The following SLC4A5 variants were observed in gnomAD, a reference collection of about 807,000 sequenced individuals.
SLC4A5 encodes the protein solute carrier family 4 member 5, also known as electrogenic sodium bicarbonate cotransporter 4.
A neutral mutation model predicts 120.4 loss-of-function variants in SLC4A5; 96 were observed. That is an observed-to-expected ratio of 0.80 (90% CI 0.68 to 0.94). SLC4A5 has a LOEUF of 0.94. SLC4A5 is among the 40% of genes least tolerant of loss of function. The probability of loss-of-function intolerance (pLI) is 0.00; values close to 1 mark genes in which losing one functional copy is unlikely to be tolerated. For missense variants in SLC4A5, 1,259 were observed against 1,459.5 expected (o/e 0.86, Z 2.24); for synonymous variants, 550 against 571.1 (o/e 0.96, Z 0.53).
chr2:74,336,855 T>C (rs191858014), intron 3 of SLC4A5, among the ~76,000 whole-genome samples: 13 of 152,342 alleles, frequency 8.5e-5, no homozygotes, highest in Admixed American at 4.6e-4. Context: ...CCTCTCTCCC[T>C]TCCCTGCCTC....
chr2:74,315,107 T>C, intron 5 of SLC4A5, 82 bp from the exon 6 acceptor site: 1 of 1,158,016 alleles, frequency 8.6e-7, no homozygotes, highest in Non-Finnish European at 1.3e-6. Context: ...AAATCCACAG[T>C]CATAATGGGA....
intron 19 of SLC4A5, among the ~76,000 whole-genome samples, chr2:74,244,369 T>C (rs1469436196): frequency 6.6e-6 from 1 of 152,078 alleles, no homozygotes; most frequent in Admixed American, 6.6e-5. Flanking sequence ...TTCGCTTGTT[T>C]GTTCGTTCCT....
At chr2:74,274,152 C>T (rs775658080) in intron 8 of SLC4A5, among the ~76,000 whole-genome samples, 4 of 152,162 alleles carry the variant, frequency 2.6e-5, no homozygotes, top group Non-Finnish European at 5.9e-5. Context: ...TCTCATTGTA[C>T]AGGTGAGGAG....
chr2:74,267,104 T>C (rs1395425411), intron 8 of SLC4A5, among the ~76,000 whole-genome samples: 2 of 152,268 alleles, frequency 1.3e-5, no homozygotes, highest in African/African-American at 4.8e-5. Context: ...TTTAAATTAC[T>C]ACAAATGAAA....
intron 5 of SLC4A5, among the ~76,000 whole-genome samples, chr2:74,321,012 A>C (rs1352329225): frequency 6.6e-6 from 1 of 152,232 alleles, no homozygotes; most frequent in Non-Finnish European, 1.5e-5. Context: ...AACAGGGTTG[A>C]TATTCCACCG....
chr2:74,318,833 T>C (rs1283628216), intron 5 of SLC4A5, among the ~76,000 whole-genome samples: 1 of 152,148 alleles, frequency 6.6e-6, no homozygotes. Context: ...TACCATTTGA[T>C]TCAGCAATCC....
intron 8 of SLC4A5, among the ~76,000 whole-genome samples, chr2:74,267,914 G>A (rs1211885438): frequency 6.6e-6 from 1 of 152,192 alleles, no homozygotes; most frequent in African/African-American, 2.4e-5. Context: ...GAGCCTGGAA[G>A]GCAGAGGTTG....
intron 8 of SLC4A5, among the ~76,000 whole-genome samples, chr2:74,273,731 C>T (rs929677233): frequency 2.0e-5 from 3 of 152,206 alleles, no homozygotes; most frequent in African/African-American, 7.2e-5. Context: ...CCAACAGATA[C>T]TGAAGACCAG....
chr2:74,261,241 A>C (rs1671125287), intron 11 of SLC4A5, among the ~76,000 whole-genome samples: 1 of 152,174 alleles, frequency 6.6e-6, no homozygotes, highest in Non-Finnish European at 1.5e-5. Flanking sequence ...CCTCATATAC[A>C]ATGATAACTG....
Position 74,248,334 on chromosome 2 carries a change from G to A in SLC4A5, c.1787+19C>T. 1 of 1,612,726 alleles carries A rather than the reference G, an allele frequency of 6.2e-7. No individual in the cohort carries two copies. The highest frequency in any genetic ancestry group is 1.1e-5 in the South Asian group (1 of 90,958). ...CCAAATGCGAGAGCAGGCACTGGGG[G>A]CCACCAAGGGACACCTACTTGCTGA... is the stretch of plus-strand genomic sequence containing the variant. On this transcript the variant is annotated intron_variant, in intron 18 of 30. Transcript: ENST00000394019.
At chr2:74,306,986 G>A in intron 6 of SLC4A5, 1 of 597,748 alleles carries the variant, frequency 1.7e-6, no homozygotes, top group East Asian at 3.9e-5. Flanking sequence ...CTGATTCCAG[G>A]TGCAGCAGGA....
chr2:74,232,754 T>C (rs1056231723), intron 23 of SLC4A5, 107 bp from the exon 24 acceptor site: 24 of 1,387,734 alleles, frequency 1.7e-5, no homozygotes, highest in Non-Finnish European at 2.1e-5. Flanking sequence ...TTCCAGAAGA[T>C]ACTGAAGGGG....
chr2:74,228,015 T>A, intron 25 of SLC4A5, 137 bp from the exon 26 acceptor site: 1 of 626,278 alleles, frequency 1.6e-6, no homozygotes, highest in Non-Finnish European at 2.8e-6. Flanking sequence ...TCAGCAGAAC[T>A]GGGATGTGGG....
At chr2:74,283,640 G>T (rs1382091530) in intron 8 of SLC4A5, among the ~76,000 whole-genome samples, 2 of 152,184 alleles carry the variant, frequency 1.3e-5, no homozygotes, top group Non-Finnish European at 2.9e-5. Flanking sequence ...CATGGTTGGG[G>T]GCAGCTGTCA....
chr2:74,270,649 G>C (rs992674479), intron 8 of SLC4A5, among the ~76,000 whole-genome samples: 4 of 152,180 alleles, frequency 2.6e-5, no homozygotes, highest in Middle Eastern at 3.2e-3. Flanking sequence ...CTCCAACCTG[G>C]ATGACAGAGC....
At chr2:74,327,038 C>G (rs1177993406) in intron 5 of SLC4A5, among the ~76,000 whole-genome samples, 1 of 152,194 alleles carries the variant, frequency 6.6e-6, no homozygotes, top group African/African-American at 2.4e-5. Context: ...TCAATTCAAT[C>G]CAACAAATCC....
intron 16 of SLC4A5, among the ~76,000 whole-genome samples, chr2:74,251,253 G>A (rs1340023882): frequency 6.6e-6 from 1 of 151,928 alleles, no homozygotes; most frequent in Non-Finnish European, 1.5e-5. Flanking sequence ...CAAATTCCCT[G>A]GGCTCGGGGG....
At chr2:74,279,843 T>C (rs1475971850) in intron 8 of SLC4A5, among the ~76,000 whole-genome samples, 2 of 152,204 alleles carry the variant, frequency 1.3e-5, no homozygotes, top group Non-Finnish European at 2.9e-5. Flanking sequence ...CCTGACTATC[T>C]GTCCCCACGT....
intron 7 of SLC4A5, chr2:74,290,228 C>T: frequency 1.0e-6 from 1 of 985,508 alleles, no homozygotes; most frequent in East Asian, 1.1e-4. Flanking sequence ...CAAACCAGTT[C>T]TGCCTGGGGC....
Sources: gnomAD v4.1 joint callset for allele counts (sites outside exome capture counted in the v4.1 genomes callset) on GRCh38, gnomAD v4.1.1 for gene constraint, MANE v1.5 for transcripts, NCBI Gene and HGNC (gene_info 2026-07-23, HGNC 2026-07-21) for gene names.